The following DECR1 variants were observed in gnomAD, a reference collection of about 807,000 sequenced individuals.
DECR1 encodes the protein 2,4-dienoyl-CoA reductase [(3E)-enoyl-CoA-producing], mitochondrial.
In DECR1, 44 loss-of-function variants were observed where a neutral mutation model predicts 38.8. The observed-to-expected ratio is 1.13, with a 90% CI of 0.89 to 1.46. DECR1 has a LOEUF of 1.46. DECR1 is among the 40% of genes most tolerant of loss of function. The pLI, the probability that DECR1 is intolerant of heterozygous loss-of-function variation, is 0.00. For synonymous variants in DECR1, 148 were observed against 135.2 expected (o/e 1.09, Z -0.66); for missense variants, 428 against 405.5 (o/e 1.06, Z -0.48).
chr8:90,026,424 A>T (rs1813340462), intron 5 of DECR1, among the ~76,000 whole-genome samples: 1 of 152,100 alleles, frequency 6.6e-6, no homozygotes, highest in African/African-American at 2.4e-5. Context: ...ATATTCAGGG[A>T]TTCAACTTCC....
At chr8:90,036,318 G>C (rs1586159000) in intron 5 of DECR1, among the ~76,000 whole-genome samples, 1 of 152,080 alleles carries the variant, frequency 6.6e-6, no homozygotes, top group African/African-American at 2.4e-5. Context: ...AAAAGCTAGG[G>C]TATCTCAGGG....
chr8:90,041,069 A>C (rs1380787047), intron 6 of DECR1, among the ~76,000 whole-genome samples: 1 of 152,216 alleles, frequency 6.6e-6, no homozygotes, highest in East Asian at 1.9e-4. Context: ...ACAATGGCTG[A>C]ACTAATTTAC....
At chr8:90,042,889 T>C (rs775773501) in intron 7 of DECR1, 89 bp downstream of exon 7, 7 of 1,103,182 alleles carry the variant, frequency 6.3e-6, no homozygotes, top group Non-Finnish European at 9.7e-6. Flanking sequence ...TAAAGGACTT[T>C]CCAGAGATGC....
intron 1 of DECR1, among the ~76,000 whole-genome samples, chr8:90,008,048 A>G (rs1468014779): frequency 1.3e-5 from 2 of 152,228 alleles, no homozygotes; most frequent in South Asian, 2.1e-4. Flanking sequence ...GTTGCCATTT[A>G]CCTTTAGCCC....
chr8:90,045,935 C>T (rs918567387), intron 8 of DECR1, among the ~76,000 whole-genome samples: 9 of 152,318 alleles, frequency 5.9e-5, no homozygotes, highest in South Asian at 2.1e-4. Context: ...CTGCAGTGGA[C>T]GTCCAGCAAA....
At chr8:90,048,826 A>T (rs1164494154) in intron 8 of DECR1, among the ~76,000 whole-genome samples, 1 of 152,238 alleles carries the variant, frequency 6.6e-6, no homozygotes, top group African/African-American at 2.4e-5. Context: ...CAGCACATCA[A>T]AAAGGTTATC....
chr8:90,016,068 G>A (rs142414968), intron 1 of DECR1, among the ~76,000 whole-genome samples: 3 of 152,124 alleles, frequency 2.0e-5, no homozygotes, highest in Admixed American at 6.5e-5. Flanking sequence ...AGTGATGTTC[G>A]CATGTAATGT....
chr8:90,012,672 C>A (rs1206364405), intron 1 of DECR1, among the ~76,000 whole-genome samples: 1 of 152,100 alleles, frequency 6.6e-6, no homozygotes. Context: ...TACCGAATGC[C>A]TAACTGGTGC....
At chr8:90,024,956 C>G (rs1229113621) in intron 5 of DECR1, among the ~76,000 whole-genome samples, 1 of 152,150 alleles carries the variant, frequency 6.6e-6, no homozygotes, top group Non-Finnish European at 1.5e-5. Context: ...CCAGTTTTCC[C>G]AGCACCATTT....
At chr8:90,036,219 C>T (rs753512756) in intron 5 of DECR1, among the ~76,000 whole-genome samples, 5 of 152,104 alleles carry the variant, frequency 3.3e-5, no homozygotes, top group Admixed American at 6.6e-5. Flanking sequence ...CTCCCCAAAC[C>T]GATCTCTATC....
chr8:90,049,352 G>T (rs999233320), intron 8 of DECR1, among the ~76,000 whole-genome samples: 22 of 152,038 alleles, frequency 1.4e-4, no homozygotes, highest in African/African-American at 5.1e-4. Flanking sequence ...AAATCAATGT[G>T]CAAAAATCAC....
chr8:90,021,808 A>G (rs975854130), intron 5 of DECR1, among the ~76,000 whole-genome samples: 4 of 152,200 alleles, frequency 2.6e-5, no homozygotes, highest in Admixed American at 1.3e-4. Context: ...GATAATACCA[A>G]TGAGATTAAG....
intron 7 of DECR1, among the ~76,000 whole-genome samples, chr8:90,044,057 T>G (rs1451555998): frequency 6.6e-6 from 1 of 152,156 alleles, no homozygotes; most frequent in Non-Finnish European, 1.5e-5. Flanking sequence ...AAATAATAAC[T>G]ACTTACTGTT....
In DECR1 at chr8:90,051,883, A is replaced by C. The variant is rs962951669; in HGVS notation, c.994A>C (p.Thr332Pro). 3 of 1,613,786 alleles carry C rather than the reference A, an allele frequency of 1.9e-6. No homozygotes were observed. Among genetic ancestry groups the C allele is most frequent in the African/African-American group, 2.7e-5 (2 of 74,924 alleles). The change falls in exon 10 of 10, where the codon ACA (threonine) becomes CCA (proline). Residue 332 changes from threonine to proline, a missense_variant. Physicochemically the swap from Thr to Pro is conservative, Grantham distance 38. Coordinates refer to ENST00000220764, the MANE Select transcript of DECR1 (RefSeq NM_001359.2). ...CACCATAGAAGAACTCATCAGGAAG[A>C]CAAAAGGTTCCTAAGACCACTTTGG... Reference protein sequence around the residue: ...WDTIEELIRKTKGS With the variant: ...WDTIEELIRKPKGS
intron 1 of DECR1, among the ~76,000 whole-genome samples, chr8:90,004,916 G>T (rs1812703338): frequency 6.6e-6 from 1 of 152,146 alleles, no homozygotes; most frequent in South Asian, 2.1e-4. Context: ...TGATAGTCTA[G>T]TGAGTCACCA....
intron 5 of DECR1, among the ~76,000 whole-genome samples, chr8:90,034,208 C>G (rs1337894833): frequency 6.6e-6 from 1 of 152,104 alleles, no homozygotes; most frequent in Non-Finnish European, 1.5e-5. Flanking sequence ...ATATATGGAG[C>G]AGAGAAAAAA....
chr8:90,045,763 C>T (rs1813882724), intron 8 of DECR1, among the ~76,000 whole-genome samples: 1 of 152,188 alleles, frequency 6.6e-6, no homozygotes, highest in African/African-American at 2.4e-5. Context: ...CCCGAGTAGC[C>T]TAACTGGGAG....
intron 8 of DECR1, among the ~76,000 whole-genome samples, chr8:90,049,431 C>T (rs1306458307): frequency 1.3e-5 from 2 of 152,140 alleles, no homozygotes; most frequent in Non-Finnish European, 2.9e-5. Context: ...TTCACAATTG[C>T]TTCAAAGAGA....
intron 6 of DECR1, 40 bp from the exon 7 acceptor site, chr8:90,042,688 A>G: frequency 6.5e-7 from 1 of 1,530,490 alleles, no homozygotes; most frequent in Non-Finnish European, 9.0e-7. Context: ...AACATATGGT[A>G]TAATATTTCA....
Sources: gnomAD v4.1 joint callset for allele counts (sites outside exome capture counted in the v4.1 genomes callset) on GRCh38, gnomAD v4.1.1 for gene constraint, MANE v1.5 for transcripts, NCBI Gene and HGNC (gene_info 2026-07-23, HGNC 2026-07-21) for gene names.